The following DOK6 variants were observed in gnomAD, a reference collection of about 807,000 sequenced individuals.
DOK6 encodes docking protein 6.
DOK6 carries 22 observed loss-of-function variants against 44.0 expected under a neutral mutation model. That is an observed-to-expected ratio of 0.50 (90% CI 0.36 to 0.71). DOK6 has a LOEUF of 0.71. Among genes scored for constraint, DOK6 ranks in the 30% least tolerant of loss-of-function variants. The pLI is 0.00. For missense variants in DOK6, 340 were observed against 416.4 expected (o/e 0.82, Z 1.60); for synonymous variants, 166 against 145.5 (o/e 1.14, Z -1.01).
At chr18:69,682,634 T>G (rs1986069055) in intron 4 of DOK6, among the ~76,000 whole-genome samples, 1 of 152,178 alleles carries the variant, frequency 6.6e-6, no homozygotes, top group Non-Finnish European at 1.5e-5. Context: ...CAAGTCCTAT[T>G]GCCAAGCCCA....
At chr18:69,528,223 A>G (rs1337534028) in intron 1 of DOK6, among the ~76,000 whole-genome samples, 1 of 151,678 alleles carries the variant, frequency 6.6e-6, no homozygotes, top group African/African-American at 2.4e-5. Flanking sequence ...ATAGCGTTGC[A>G]TAAAGTAAAT....
At chr18:69,824,573 C>A (rs781253340) in intron 7 of DOK6, among the ~76,000 whole-genome samples, 41 of 152,196 alleles carry the variant, frequency 2.7e-4, no homozygotes, top group Admixed American at 8.5e-4. Context: ...GTTGCCCAGG[C>A]TGGTTTCAAA....
chr18:69,747,562 A>C (rs1979027020), intron 6 of DOK6, among the ~76,000 whole-genome samples: 1 of 151,792 alleles, frequency 6.6e-6, no homozygotes, highest in South Asian at 2.1e-4. Context: ...TCCACATTGC[A>C]ATATATTAGG....
At chr18:69,639,418 T>C (rs1469582281) in intron 3 of DOK6, among the ~76,000 whole-genome samples, 1 of 152,168 alleles carries the variant, frequency 6.6e-6, no homozygotes, top group African/African-American at 2.4e-5. Flanking sequence ...ACTCGGCCGA[T>C]GAGGAAGGGA....
chr18:69,540,731 CTT>C (rs1024970509), intron 1 of DOK6, among the ~76,000 whole-genome samples: 5 of 149,896 alleles, frequency 3.3e-5, no homozygotes, highest in African/African-American at 7.6e-5. Flanking sequence ...TTTATTAACA[CTT>C]ATCTTAGTGA....
intron 3 of DOK6, among the ~76,000 whole-genome samples, chr18:69,600,463 T>G (rs767955255): frequency 9.9e-5 from 15 of 152,248 alleles, no homozygotes; most frequent in South Asian, 6.2e-4. Context: ...CCATCTGACC[T>G]CCTTGCATCA....
At chr18:69,728,168 G>T (rs1978320316) in intron 5 of DOK6, among the ~76,000 whole-genome samples, 1 of 152,208 alleles carries the variant, frequency 6.6e-6, no homozygotes, top group Non-Finnish European at 1.5e-5. Flanking sequence ...GGAATTTTTG[G>T]ATGGCCTGCA....
At chr18:69,685,259 T>C (rs950342533) in intron 4 of DOK6, among the ~76,000 whole-genome samples, 18 of 152,312 alleles carry the variant, frequency 1.2e-4, no homozygotes, top group East Asian at 5.8e-4. Context: ...AACAAAATAT[T>C]GTATGAAGCT....
At chr18:69,550,044 A>G (rs1432287909) in intron 1 of DOK6, among the ~76,000 whole-genome samples, 2 of 151,262 alleles carry the variant, frequency 1.3e-5, no homozygotes, top group Admixed American at 6.6e-5. Context: ...AAGTGTAATC[A>G]TCTTGCATTT....
At chr18:69,614,274 G>A (rs1984229561) in intron 3 of DOK6, among the ~76,000 whole-genome samples, 1 of 151,962 alleles carries the variant, frequency 6.6e-6, no homozygotes, top group African/African-American at 2.4e-5. Context: ...CCTACCACAA[G>A]TCATCTAGAA....
At chr18:69,564,634 C>T in intron 2 of DOK6, 40 bp downstream of exon 2, 3 of 1,483,626 alleles carry the variant, frequency 2.0e-6, no homozygotes, top group Non-Finnish European at 1.9e-6. Context: ...AATAACTGGG[C>T]CCTTGAAGAC....
chr18:69,757,917 C>A (rs1440850156), intron 7 of DOK6, 44 bp downstream of exon 7: 1 of 1,518,926 alleles, frequency 6.6e-7, no homozygotes, highest in South Asian at 1.1e-5. Context: ...CATAAGCTTC[C>A]TCCAGGTGGA....
At chr18:69,531,272 A>T (rs1326428826) in intron 1 of DOK6, among the ~76,000 whole-genome samples, 1 of 145,210 alleles carries the variant, frequency 6.9e-6, no homozygotes, top group Non-Finnish European at 1.5e-5. Context: ...ATATATATAT[A>T]ATATATTATA....
intron 3 of DOK6, among the ~76,000 whole-genome samples, chr18:69,673,261 ACT>A (rs1468270223): frequency 9.2e-5 from 14 of 151,412 alleles, no homozygotes; most frequent in African/African-American, 3.4e-4. Flanking sequence ...AAACTTTTTC[ACT>A]CTGTTTTCAA....
chr18:69,815,168 C>T (rs1981361782), intron 7 of DOK6, among the ~76,000 whole-genome samples: 1 of 151,966 alleles, frequency 6.6e-6, no homozygotes, highest in South Asian at 2.1e-4. Context: ...TGAAAGACAG[C>T]ACAAGGAAGA....
chr18:69,478,424 C>T (rs1186904695), intron 1 of DOK6, among the ~76,000 whole-genome samples: 2 of 151,872 alleles, frequency 1.3e-5, no homozygotes, highest in Admixed American at 1.3e-4. Flanking sequence ...CCTTTTTCTC[C>T]TTTGTTTTAT....
At chr18:69,810,798 A>G (rs1014462558) in intron 7 of DOK6, among the ~76,000 whole-genome samples, 1 of 152,062 alleles carries the variant, frequency 6.6e-6, no homozygotes, top group Non-Finnish European at 1.5e-5. Flanking sequence ...ACAAAAAAGA[A>G]TAAGTGTTAG....
intron 7 of DOK6, among the ~76,000 whole-genome samples, chr18:69,825,285 T>C (rs62090537): frequency 0.12 from 17,749 of 152,172 alleles, 1,083 homozygotes; most frequent in Middle Eastern, 0.15. Context: ...TATGGAAACA[T>C]AAATGGTTTA....
At chr18:69,818,387 A>G (rs1981464406) in intron 7 of DOK6, among the ~76,000 whole-genome samples, 1 of 152,158 alleles carries the variant, frequency 6.6e-6, no homozygotes, top group Admixed American at 6.6e-5. Context: ...GAAGATAAAT[A>G]TTAAGAGGCT....
Sources: allele counts gnomAD v4.1 joint callset (sites outside exome capture counted in the v4.1 genomes callset), GRCh38; gene constraint gnomAD v4.1.1; transcripts MANE v1.5; gene names NCBI Gene and HGNC (gene_info 2026-07-23, HGNC 2026-07-21).